The following DMD variants were observed in gnomAD, a reference collection of about 807,000 sequenced individuals.
DMD encodes the protein mutant dystrophin.
A neutral mutation model predicts 330.1 loss-of-function variants in DMD; 63 were observed. That is an observed-to-expected ratio of 0.19 (90% confidence interval 0.16 to 0.24). The LOEUF (loss-of-function observed/expected upper bound fraction) is 0.24. Ranked by LOEUF, DMD falls within the 10% of genes least tolerant of loss-of-function variation. The pLI, the probability that DMD is intolerant of heterozygous loss-of-function variation, is 1.00. For missense variants in DMD, 3,344 were observed against 2,684.1 expected (o/e 1.25, Z -5.43); for synonymous variants, 1,223 against 959.8 (o/e 1.27, Z -5.07).
chrX:32,603,970 C>A (rs781652601), intron 12 of DMD, among the ~76,000 whole-genome samples: 6 of 110,858 alleles, frequency 5.4e-5, no homozygotes, highest in Non-Finnish European at 9.5e-5. Flanking sequence ...AAATATCAAA[C>A]AAGAGGAAAT....
At chrX:33,002,534 C>T (rs1042610274) in intron 2 of DMD, among the ~76,000 whole-genome samples, 1 of 109,853 alleles carries the variant, frequency 9.1e-6, no homozygotes, top group Admixed American at 9.7e-5. Context: ...ACATAGGACA[C>T]TCTCCTGTGC....
At chrX:31,777,797 G>T (rs2149259513) in intron 50 of DMD, among the ~76,000 whole-genome samples, 1 of 112,113 alleles carries the variant, frequency 8.9e-6, no homozygotes, top group African/African-American at 3.2e-5. Flanking sequence ...TCCTAGGATT[G>T]TTCTGACTGT....
chrX:31,749,891 C>A (rs1374884817), intron 51 of DMD, among the ~76,000 whole-genome samples: 3 of 105,469 alleles, frequency 2.8e-5, no homozygotes, highest in Non-Finnish European at 5.8e-5. Flanking sequence ...TCTCTGATGG[C>A]CAGTGATGGT....
chrX:31,370,179 C>T (rs1426654640), intron 60 of DMD, among the ~76,000 whole-genome samples: 1 of 109,188 alleles, frequency 9.2e-6, no homozygotes, highest in Non-Finnish European at 1.9e-5. Context: ...AACACAAAAG[C>T]ATGATCCATA....
chrX:33,069,406 A>T (rs1271869222), intron 1 of DMD, among the ~76,000 whole-genome samples: 13 of 111,935 alleles, frequency 1.2e-4, no homozygotes, highest in Admixed American at 3.8e-4. Flanking sequence ...GCACAATGAA[A>T]TGACAAATTC....
chrX:31,812,870 A>C (rs942384216), intron 50 of DMD, among the ~76,000 whole-genome samples: 1 of 112,186 alleles, frequency 8.9e-6, no homozygotes, highest in Admixed American at 9.4e-5. Flanking sequence ...AACTTACTCA[A>C]AAGGTATAAC....
intron 7 of DMD, among the ~76,000 whole-genome samples, chrX:32,797,096 G>A (rs1569523956): frequency 2.7e-5 from 3 of 111,544 alleles, no homozygotes; most frequent in Non-Finnish European, 5.6e-5. Context: ...ATATTCATTT[G>A]CAGGTTCTGT....
chrX:32,461,681 T>C (rs1203109301), intron 25 of DMD, among the ~76,000 whole-genome samples: 1 of 110,850 alleles, frequency 9.0e-6, no homozygotes, highest in Non-Finnish European at 1.9e-5. Context: ...TGTTTTCCCC[T>C]TGCTCTACAT....
At chrX:32,875,763 T>G (rs1168125304) in intron 2 of DMD, among the ~76,000 whole-genome samples, 1 of 111,997 alleles carries the variant, frequency 8.9e-6, no homozygotes. Flanking sequence ...TTAAAAACTG[T>G]TTTTCTTGCT....
chrX:31,918,455 A>G (rs934242507), intron 47 of DMD, among the ~76,000 whole-genome samples: 1 of 111,080 alleles, frequency 9.0e-6, no homozygotes, highest in Admixed American at 9.6e-5. Context: ...TCATTACACA[A>G]ACCATTAGAA....
Position 32,418,728 on chromosome X carries a change from G to A in DMD, c.4072-6815C>T, listed in dbSNP as rs758345548. On this transcript the variant is annotated intron_variant, in intron 29 of 78. Coordinates refer to ENST00000357033, the MANE Select transcript of DMD (RefSeq NM_004006.3). ...TTACAATTTTTAGTTGTTTAGAACC[G>A]GCAAGATGACAGCCTTAAAGAAGTT... Among the ~76,000 whole-genome samples the A allele has an allele frequency of 1.5e-4, 16 of 110,264 alleles. No individual in the cohort carries two copies. The South Asian group carries it at 3.8e-3, about 26-fold the overall frequency.
chrX:31,906,442 C>T (rs16998240), intron 47 of DMD, among the ~76,000 whole-genome samples: 9,932 of 111,439 alleles, frequency 0.089, 343 homozygotes, highest in Non-Finnish European at 0.11. Flanking sequence ...TCTTTTTGTC[C>T]CATTGAATTG....
At chrX:32,897,331 G>A (rs1051938305) in intron 2 of DMD, among the ~76,000 whole-genome samples, 1 of 111,650 alleles carries the variant, frequency 9.0e-6, no homozygotes, top group Non-Finnish European at 1.9e-5. Flanking sequence ...AAGGAAGGAA[G>A]AAGGAAAGGG....
At chrX:31,575,750 T>C (rs1412166637) in intron 55 of DMD, among the ~76,000 whole-genome samples, 1 of 112,097 alleles carries the variant, frequency 8.9e-6, no homozygotes, top group Admixed American at 9.5e-5. Flanking sequence ...ATAATTACAG[T>C]AGTTTCCTAC....
chrX:32,718,828 A>G (rs1246556207), intron 7 of DMD, among the ~76,000 whole-genome samples: 3 of 112,395 alleles, frequency 2.7e-5, no homozygotes, highest in Non-Finnish European at 5.6e-5. Flanking sequence ...TCTTTAAAAT[A>G]TATGGCAAAT....
At chrX:32,245,223 T>C (rs1348687183) in intron 43 of DMD, among the ~76,000 whole-genome samples, 1 of 94,773 alleles carries the variant, frequency 1.1e-5, no homozygotes. Flanking sequence ...TAGGGAATCC[T>C]TTCCCCATTG....
chrX:33,215,862 A>G (rs949798157), upstream of DMD, among the ~76,000 whole-genome samples: 4 of 111,410 alleles, frequency 3.6e-5, no homozygotes, highest in African/African-American at 1.3e-4. Flanking sequence ...TGGGTTCACT[A>G]TTCTGTTCCA....
At chrX:31,765,779 A>G (rs2089954023) in intron 51 of DMD, among the ~76,000 whole-genome samples, 1 of 111,410 alleles carries the variant, frequency 9.0e-6, no homozygotes, top group Admixed American at 9.6e-5. Context: ...ACTATCATAC[A>G]CAAGGAAATC....
chrX:33,325,779 A>C (rs1177512506), intron 1 of DMD, among the ~76,000 whole-genome samples: 3 of 112,130 alleles, frequency 2.7e-5, no homozygotes, highest in Non-Finnish European at 5.6e-5. Context: ...ATTTTCTATT[A>C]GTGATGAAAC....
Sources: gnomAD v4.1 joint callset for allele counts (sites outside exome capture counted in the v4.1 genomes callset) on GRCh38, gnomAD v4.1.1 for gene constraint, MANE v1.5 for transcripts, NCBI Gene and HGNC (gene_info 2026-07-23, HGNC 2026-07-21) for gene names.